The following RAP1GDS1 variants were observed in gnomAD, a reference collection of about 807,000 sequenced individuals.
RAP1GDS1 encodes Rap1 GTPase-GDP dissociation stimulator 1, also known as RAP1, GTP-GDP dissociation stimulator 1.
RAP1GDS1 carries 35 observed loss-of-function variants against 71.1 expected under a neutral mutation model. That is an observed-to-expected ratio of 0.49 (90% confidence interval 0.38 to 0.65). RAP1GDS1 has a LOEUF of 0.65. RAP1GDS1 is among the 30% of genes least tolerant of loss of function. The probability of loss-of-function intolerance (pLI) is 0.00; values close to 1 mark genes in which losing one functional copy is unlikely to be tolerated. For missense variants in RAP1GDS1, 663 were observed against 706.1 expected, an observed-to-expected ratio of 0.94 and a Z score of 0.69; for synonymous variants, 229 against 243.1, an observed-to-expected ratio of 0.94 and a Z score of 0.54.
chr4:98,415,079 G>GTA (rs1023858837), intron 7 of RAP1GDS1, among the ~76,000 whole-genome samples: 2 of 152,086 alleles, frequency 1.3e-5, no homozygotes, highest in African/African-American at 4.8e-5. Context: ...ATTCCCCAGG[G>GTA]TATTATTAAT....
At chr4:98,366,293 C>T (rs145402160) in intron 4 of RAP1GDS1, among the ~76,000 whole-genome samples, 56 of 152,266 alleles carry the variant, frequency 3.7e-4, no homozygotes, top group African/African-American at 1.3e-3. Flanking sequence ...TTGCCTGCTG[C>T]CATCCATTGA....
At chr4:98,397,925 T>A (rs1744789880) in intron 6 of RAP1GDS1, among the ~76,000 whole-genome samples, 1 of 152,146 alleles carries the variant, frequency 6.6e-6, no homozygotes, top group African/African-American at 2.4e-5. Flanking sequence ...GAACGTAGAC[T>A]TAAAGTTATT....
At chr4:98,313,050 C>T (rs945422171) in intron 2 of RAP1GDS1, among the ~76,000 whole-genome samples, 1 of 106,512 alleles carries the variant, frequency 9.4e-6, no homozygotes, top group African/African-American at 3.8e-5. Flanking sequence ...GCCTGGGTGA[C>T]AGAGCAAGAC....
At chr4:98,420,253 A>G (rs1748624155) in intron 11 of RAP1GDS1, 109 bp downstream of exon 11, 3 of 1,092,692 alleles carry the variant, frequency 2.7e-6, no homozygotes, top group South Asian at 3.8e-5. Context: ...ATCATAAAAA[A>G]TAGCAAATAA....
At chr4:98,402,870 C>G (rs1444360530) in intron 6 of RAP1GDS1, among the ~76,000 whole-genome samples, 1 of 152,134 alleles carries the variant, frequency 6.6e-6, no homozygotes, top group Admixed American at 6.5e-5. Flanking sequence ...CCTCAAGGAG[C>G]TTATAGTTTA....
At chr4:98,376,931 A>G (rs1741263133) in intron 4 of RAP1GDS1, among the ~76,000 whole-genome samples, 1 of 151,926 alleles carries the variant, frequency 6.6e-6, no homozygotes, top group Non-Finnish European at 1.5e-5. Flanking sequence ...TTGTGTTTTT[A>G]TTGCATCAAA....
chr4:98,338,892 C>T (rs1427563856), intron 2 of RAP1GDS1, among the ~76,000 whole-genome samples: 3 of 151,978 alleles, frequency 2.0e-5, no homozygotes, highest in East Asian at 3.9e-4. Flanking sequence ...CCTGGAAATT[C>T]CCTCTTGGTA....
intron 4 of RAP1GDS1, among the ~76,000 whole-genome samples, chr4:98,373,695 A>G (rs563794371): frequency 1.3e-5 from 2 of 152,188 alleles, no homozygotes; most frequent in Non-Finnish European, 2.9e-5. Context: ...AAACCTGTAT[A>G]TATCATGTCT....
At chr4:98,311,340 G>C (rs909667993) in intron 2 of RAP1GDS1, among the ~76,000 whole-genome samples, 1 of 152,114 alleles carries the variant, frequency 6.6e-6, no homozygotes, top group Non-Finnish European at 1.5e-5. Context: ...AGACTCTTAA[G>C]TATTTTTTAA....
At chr4:98,286,290 G>C (rs140955709) in intron 1 of RAP1GDS1, among the ~76,000 whole-genome samples, 1 of 151,196 alleles carries the variant, frequency 6.6e-6, no homozygotes, top group African/African-American at 2.4e-5. Flanking sequence ...AATTATTGCC[G>C]TGAGTGCCAG....
intron 2 of RAP1GDS1, among the ~76,000 whole-genome samples, chr4:98,323,253 C>T (rs1732295281): frequency 6.8e-6 from 1 of 147,644 alleles, no homozygotes; most frequent in Non-Finnish European, 1.5e-5. Flanking sequence ...AGACCAATAA[C>T]AGGAGCTGAA....
intron 2 of RAP1GDS1, among the ~76,000 whole-genome samples, chr4:98,303,341 A>G (rs1404062170): frequency 6.6e-6 from 1 of 152,206 alleles, no homozygotes; most frequent in African/African-American, 2.4e-5. Flanking sequence ...GCTAGTCTAA[A>G]TTGAGATGTG....
Position 98,382,876 on chromosome 4 carries a change from T to G in RAP1GDS1, c.508+3713T>G, listed in dbSNP as rs75152876. On this transcript the variant is annotated intron_variant, in intron 5 of 14. Transcript: ENST00000408927. ...CCACTATGTTAGTTGATGTTCCTTATCTACGTATGATACATGGTGGCAGCA... is the reference window on the plus strand; with the variant it reads ...CCACTATGTTAGTTGATGTTCCTTAGCTACGTATGATACATGGTGGCAGCA... Among the ~76,000 whole-genome samples, 1,387 of 151,842 alleles carry G rather than the reference T, an allele frequency of 9.1e-3. 23 individuals carry two copies. The highest frequency in any genetic ancestry group is 0.032 in the African/African-American group (1,317 of 41,512).
At chr4:98,338,871 G>T (rs1735099018) in intron 2 of RAP1GDS1, among the ~76,000 whole-genome samples, 1 of 151,944 alleles carries the variant, frequency 6.6e-6, no homozygotes, top group Admixed American at 6.6e-5. Context: ...TCAGTTTATT[G>T]TAGTAGCATA....
chr4:98,442,467 A>G lies in RAP1GDS1; in HGVS notation c.*350A>G, dbSNP rs1250603725. The G allele has an allele frequency of 8.5e-6, 2 of 235,854 alleles. No individual in the cohort carries two copies. The highest frequency in any genetic ancestry group is 2.2e-5 in the African/African-American group (1 of 45,420). 14.6% of individuals were successfully genotyped at this position (235,854 alleles called of 1,614,324 possible). ...TAAACTACATAATGATGTACTGGTAAACTAGAAACAAAGAATGCAGCAGGA... is the reference window on the plus strand; with the variant it reads ...TAAACTACATAATGATGTACTGGTAGACTAGAAACAAAGAATGCAGCAGGA... On this transcript the variant is annotated 3_prime_UTR_variant, in exon 15 of 15. Transcript: ENST00000408927.
chr4:98,414,795 A>G (rs1351812788), intron 7 of RAP1GDS1, among the ~76,000 whole-genome samples: 8 of 151,980 alleles, frequency 5.3e-5, no homozygotes, highest in Non-Finnish European at 1.2e-4. Flanking sequence ...GAATCTGTAA[A>G]TTACCTTGGG....
At chr4:98,440,674 T>C (rs1277997171) in intron 14 of RAP1GDS1, among the ~76,000 whole-genome samples, 1 of 152,182 alleles carries the variant, frequency 6.6e-6, no homozygotes, top group Non-Finnish European at 1.5e-5. Context: ...TCTTTGCCCA[T>C]TTTTAGAATT....
chr4:98,340,812 G>A (rs1025168528), intron 2 of RAP1GDS1, among the ~76,000 whole-genome samples: 1 of 151,872 alleles, frequency 6.6e-6, no homozygotes, highest in African/African-American at 2.4e-5. Flanking sequence ...AAAAGTGGGA[G>A]CTAAACATTG....
At chr4:98,405,825 C>CA (rs74646636) in intron 7 of RAP1GDS1, among the ~76,000 whole-genome samples, 3,231 of 149,740 alleles carry the variant, frequency 0.022, 117 homozygotes, top group Admixed American at 0.11. Context: ...GAATAAAGAC[C>CA]AAAAAAAACG....
Sources: gnomAD v4.1 joint callset for allele counts (sites outside exome capture counted in the v4.1 genomes callset) on GRCh38, gnomAD v4.1.1 for gene constraint, MANE v1.5 for transcripts, NCBI Gene and HGNC (gene_info 2026-07-23, HGNC 2026-07-21) for gene names.